CCDC134: variants seen among roughly 807,000 people sequenced by gnomAD.
CCDC134 encodes the protein coiled-coil domain-containing protein 134.
A neutral mutation model predicts 25.6 loss-of-function variants in CCDC134; 27 were observed. The observed-to-expected ratio is 1.05, with a 90% CI of 0.78 to 1.45. The LOEUF is 1.45. Ranked by LOEUF, CCDC134 falls within the 40% of genes most tolerant of loss-of-function variation. The pLI, the probability that CCDC134 is intolerant of heterozygous loss-of-function variation, is 0.00. For synonymous variants in CCDC134, 110 were observed against 115.0 expected, an observed-to-expected ratio of 0.96 and a Z score of 0.28; for missense variants, 261 against 286.7, an observed-to-expected ratio of 0.91 and a Z score of 0.65.
chr22:41,830,213 G>C lies in CCDC134; in HGVS notation c.*4390G>C, dbSNP rs2076698908. ...GAGATGTTCAGTTACATGGGATCCA[G>C]GGCCAGAGGGAAAATATCAGTGCTT... On this transcript the variant is annotated 3_prime_UTR_variant, in exon 7 of 7. Coordinates refer to ENST00000255784, the MANE Select transcript of CCDC134 (RefSeq NM_024821.5). 1.3e-5 allele frequency among the ~76,000 whole-genome samples: 2 copies of C among 152,234 alleles called. No homozygotes were observed. Among genetic ancestry groups the C allele is most frequent in the South Asian group, 4.1e-4 (2 of 4,834 alleles).
At position 41,830,202 on chromosome 22, in the gene CCDC134, C is replaced by G. The variant is rs1466259448; in HGVS notation, c.*4379C>G. Among the ~76,000 whole-genome samples, 3 of 152,250 alleles carry G rather than the reference C, an allele frequency of 2.0e-5. No homozygotes were observed. Among genetic ancestry groups the G allele is most frequent in the Admixed American group, 2.0e-4 (3 of 15,286 alleles). On this transcript the variant is annotated 3_prime_UTR_variant, in exon 7 of 7. Transcript: ENST00000255784. ...ACCACCTGGAAGAGATGTTCAGTTA[C>G]ATGGGATCCAGGGCCAGAGGGAAAA...
At chr22:41,805,524 C>T (rs1322951847) in intron 1 of CCDC134, among the ~76,000 whole-genome samples, 3 of 152,164 alleles carry the variant, frequency 2.0e-5, no homozygotes, top group Non-Finnish European at 4.4e-5. Flanking sequence ...CCTCTCTTTA[C>T]AAAAGTATTT....
intron 6 of CCDC134, among the ~76,000 whole-genome samples, chr22:41,818,039 G>T (rs2076631386): frequency 6.6e-6 from 1 of 152,156 alleles, no homozygotes; most frequent in South Asian, 2.1e-4. Context: ...GGTTCAATAG[G>T]AGGATTCACA....
intron 6 of CCDC134, 100 bp downstream of exon 6, chr22:41,813,922 G>A (rs1446211488): frequency 2.9e-6 from 3 of 1,040,156 alleles, no homozygotes; most frequent in East Asian, 2.4e-5. Context: ...CTTTGGACTT[G>A]GAGCCAGGCA....
At position 41,826,070 on chromosome 22, in the gene CCDC134, G is replaced by A; in HGVS notation, c.*247G>A. The A allele has an allele frequency of 2.5e-6, 1 of 401,352 alleles. No homozygotes were observed. Among genetic ancestry groups the A allele is most frequent in the Non-Finnish European group, 4.6e-6 (1 of 216,344 alleles). The allele number at this position is 401,352 out of a possible 1,614,324, so 24.9% of individuals were successfully genotyped here. A position where few individuals can be genotyped will look rare whatever the true frequency, so the allele number is the denominator to read the frequency against. On this transcript the variant is annotated 3_prime_UTR_variant, in exon 7 of 7. Coordinates refer to ENST00000255784, the MANE Select transcript of CCDC134 (RefSeq NM_024821.5). ...GATTTTATGCTGGAAATATGACCCT[G>A]TGCAGACTGCTGGGGGAGGCAGGAG...
intron 6 of CCDC134, among the ~76,000 whole-genome samples, chr22:41,815,251 G>T (rs983396554): frequency 6.7e-6 from 1 of 148,692 alleles, no homozygotes; most frequent in Non-Finnish European, 1.5e-5. Context: ...TGTCGCCCAG[G>T]CTGGAGTACA....
intron 6 of CCDC134, among the ~76,000 whole-genome samples, chr22:41,819,990 TATATA>T: frequency 7.3e-6 from 1 of 137,928 alleles, no homozygotes; most frequent in East Asian, 2.2e-4. Flanking sequence ...TATATATATA[TATATA>T]TATAATTTTT....
rs2076674779 is a variant in CCDC134, at chr22:41,825,793, A to G, written c.660A>G (p.Pro220=). Residue 220 remains proline (P), a synonymous_variant, in exon 7 of 7, where the codon CCA becomes CCG. Transcript: ENST00000255784. The surrounding 1 kb of genome is among the most constrained non-coding windows in gnomAD (Gnocchi z 4.4). ...EEKRKEIRKG[P]RISRSQSEL ...AGCGGAAGGAGATCCGAAAAGGCCC[A>G]AGGATCTCCAGATCCCAGTCTGAGT... 6.2e-7 allele frequency: 1 copy of G among 1,614,204 alleles called. No homozygotes were observed. The highest frequency in any genetic ancestry group is 2.2e-5 in the East Asian group (1 of 44,886).
rs1286537604 is a variant in CCDC134 at position 41,829,892 on chromosome 22, G to A, written c.*4069G>A. ...GGGTTCAAGTGATTCTTCTGCCTCA[G>A]CCTCCTGAGTAGCTAGGACTACAGG... On this transcript the variant is annotated 3_prime_UTR_variant, in exon 7 of 7. Coordinates refer to ENST00000255784, the MANE Select transcript of CCDC134 (RefSeq NM_024821.5). Among the ~76,000 whole-genome samples the A allele has an allele frequency of 1.3e-5, 2 of 151,978 alleles. No individual in the cohort carries two copies. The highest frequency in any genetic ancestry group is 1.3e-4 in the Admixed American group (2 of 15,252).
intron 6 of CCDC134, among the ~76,000 whole-genome samples, chr22:41,819,963 T>TATATATATATATATATATATA (rs57794600): frequency 1.3e-4 from 11 of 82,608 alleles, no homozygotes; most frequent in African/African-American, 6.7e-4. Flanking sequence ...ACTTACCACT[T>TATATATATATATATATATATA]TATATATATA....
At chr22:41,809,758 G>T in intron 2 of CCDC134, 121 bp from the exon 3 acceptor site, 6 of 1,311,872 alleles carry the variant, frequency 4.6e-6, no homozygotes, top group Non-Finnish European at 6.3e-6. Context: ...GAGGCTTCTA[G>T]CCCTGGGTGT....
In CCDC134 at chr22:41,810,294, A is replaced by G. The variant is rs757356861; in HGVS notation, c.310+3A>G. ...CCAGGACGAGAAGCTGAAGGATGGTATGGTCTGCCCTGCCCCGCCCTGTCC... is the reference window on the plus strand; with the variant it reads ...CCAGGACGAGAAGCTGAAGGATGGTGTGGTCTGCCCTGCCCCGCCCTGTCC... On this transcript the variant is annotated splice_donor_region_variant and intron_variant, in intron 4 of 6. Coordinates refer to ENST00000255784, the MANE Select transcript of CCDC134 (RefSeq NM_024821.5). The G allele has an allele frequency of 1.2e-6, 2 of 1,613,240 alleles. No individual in the cohort carries two copies. Among genetic ancestry groups the G allele is most frequent in the Admixed American group, 1.7e-5 (1 of 59,952 alleles).
intron 6 of CCDC134, among the ~76,000 whole-genome samples, chr22:41,819,961 C>CTT (rs111701939): frequency 4.6e-5 from 3 of 65,844 alleles, no homozygotes; most frequent in African/African-American, 7.2e-5. Context: ...TGACTTACCA[C>CTT]TTTATATATA....
At chr22:41,803,813 C>G (rs527797882) in intron 1 of CCDC134, among the ~76,000 whole-genome samples, 1 of 152,052 alleles carries the variant, frequency 6.6e-6, no homozygotes, top group East Asian at 1.9e-4. Flanking sequence ...GAAGTAATAG[C>G]AATGTGATAA....
Position 41,813,371 on chromosome 22 carries a change from A to G in CCDC134, c.418A>G (p.Ile140Val). The change falls in exon 5 of 7, where the codon ATC becomes GTC. Residue 140 changes from isoleucine to valine, a missense_variant. Physicochemically the swap from Ile to Val is conservative, Grantham distance 29. Transcript: ENST00000255784. ...CCACAACTCCAACTGGAACCTCCTC[A>G]TCCGCTGGGGTATCAGTTTCTGCAA... ...FDHNSNWNLL[I>V]RWGISFCNQT... 1 of 1,614,158 alleles carries G rather than the reference A, an allele frequency of 6.2e-7. No individual in the cohort carries two copies. The highest frequency in any genetic ancestry group is 8.5e-7 in the Non-Finnish European group (1 of 1,180,028).
At chr22:41,813,619 G>T (rs781272299) in intron 5 of CCDC134, 132 bp from the exon 6 acceptor site, 72 of 1,205,910 alleles carry the variant, frequency 6.0e-5, no homozygotes, top group Middle Eastern at 1.9e-4. Context: ...TGCTGACCCA[G>T]TTCCCATGGG....
Position 41,808,989 on chromosome 22 carries a change from G to T in CCDC134, c.99G>T (p.Glu33Asp). 6.2e-7 allele frequency: 1 copy of T among 1,612,692 alleles called. No individual in the cohort carries two copies. The highest frequency in any genetic ancestry group is 8.5e-7 in the Non-Finnish European group (1 of 1,178,772). ...TLRTSLDPSL[E>D]IYKKMFEVKR... ...GGACCTCCCTGGACCCAAGCCTGGA[G>T]ATCTGTATCCTTTGGGGTTGTAGTT... is the stretch of plus-strand genomic sequence containing the variant. Residue 33 changes from glutamate (E) to aspartate (D), a missense_variant, in exon 2 of 7, where the codon GAG (glutamate) becomes GAT (aspartate). Physicochemically the swap from Glu to Asp is conservative, Grantham distance 45. Coordinates refer to ENST00000255784, the MANE Select transcript of CCDC134 (RefSeq NM_024821.5).
chr22:41,802,337 G>A (rs2076547447), intron 1 of CCDC134, among the ~76,000 whole-genome samples: 2 of 152,144 alleles, frequency 1.3e-5, no homozygotes, highest in Non-Finnish European at 2.9e-5. Flanking sequence ...GTGCTGGGAC[G>A]GACCTATCTT....
chr22:41,818,407 C>T (rs1195766977), intron 6 of CCDC134, among the ~76,000 whole-genome samples: 1 of 152,158 alleles, frequency 6.6e-6, no homozygotes, highest in East Asian at 1.9e-4. Flanking sequence ...TTAGGCACAG[C>T]GAACCACAGT....
Sources: allele counts gnomAD v4.1 joint callset (sites outside exome capture counted in the v4.1 genomes callset), GRCh38; gene constraint gnomAD v4.1.1; non-coding constraint Gnocchi (gnomAD v3.1); transcripts MANE v1.5; gene names NCBI Gene and HGNC (gene_info 2026-07-23, HGNC 2026-07-21).